The following DOCK8 variants were observed in gnomAD, a reference collection of about 807,000 sequenced individuals.
DOCK8 encodes the protein dedicator of cytokinesis protein 8.
Under a neutral mutation model 245.6 loss-of-function variants are expected in DOCK8, and 141 were observed. That is an observed-to-expected ratio of 0.57 (90% CI 0.50 to 0.66). The LOEUF (loss-of-function observed/expected upper bound fraction) is 0.66, where lower values mean the gene tolerates loss of function less well. Ranked by LOEUF, DOCK8 falls within the 30% of genes least tolerant of loss-of-function variation. The pLI, the probability that DOCK8 is intolerant of heterozygous loss-of-function variation, is 0.00. For missense variants in DOCK8, 2,965 were observed against 2,603.4 expected, an observed-to-expected ratio of 1.14 and a Z score of -3.02; for synonymous variants, 1,168 against 970.2, an observed-to-expected ratio of 1.20 and a Z score of -3.79.
intron 15 of DOCK8, chr9:368,721 T>A (rs1309029497): frequency 6.6e-6 from 1 of 151,770 alleles, no homozygotes; most frequent in East Asian, 1.9e-4. Flanking sequence ...CCAGAATTTA[T>A]ACTTTTTAAA....
At chr9:234,673 T>C (rs1412043091) in intron 1 of DOCK8, among the ~76,000 whole-genome samples, 1 of 152,214 alleles carries the variant, frequency 6.6e-6, no homozygotes, top group African/African-American at 2.4e-5. Flanking sequence ...ATACCCTTTT[T>C]TCCAGTTGGT....
intron 33 of DOCK8, among the ~76,000 whole-genome samples, chr9:424,584 A>G (rs1204208833): frequency 6.6e-6 from 1 of 151,870 alleles, no homozygotes; most frequent in Non-Finnish European, 1.5e-5. Flanking sequence ...TACTTTTTGT[A>G]TTTTTTGTAG....
At position 304,657 on chromosome 9, in the gene DOCK8, C is replaced by T; in HGVS notation, c.481C>T (p.Gln161Ter). The T allele has an allele frequency of 6.2e-7, 1 of 1,614,168 alleles. No homozygotes were observed. Among genetic ancestry groups the T allele is most frequent in the Non-Finnish European group, 8.5e-7 (1 of 1,180,022 alleles). The change falls in exon 5 of 48, where the codon CAG becomes TAG. Residue 161 changes from glutamine (Q) to a stop codon, truncating the protein, a stop_gained. Coordinates refer to ENST00000432829, the MANE Select transcript of DOCK8 (RefSeq NM_203447.4). LOFTEE classifies it high-confidence loss of function. ...AGATTTTCACAAGACGCTTCCGAAA[C>T]AGACGTTTGAGTCGGAAACCTTGGA... ...RKDFHKTLPK[Q>*]TFESETLECS...
chr9:398,231 T>G (rs1176650079), intron 25 of DOCK8, among the ~76,000 whole-genome samples: 2 of 152,142 alleles, frequency 1.3e-5, no homozygotes, highest in African/African-American at 4.8e-5. Context: ...ACCCAGATAC[T>G]GAGTCACGTA....
intron 24 of DOCK8, among the ~76,000 whole-genome samples, chr9:395,653 C>T (rs1030772620): frequency 6.6e-6 from 1 of 151,958 alleles, no homozygotes; most frequent in Non-Finnish European, 1.5e-5. Flanking sequence ...TCTAGTCTTC[C>T]CCATGTTCCT....
chr9:409,977 G>A (rs2055643136), intron 28 of DOCK8, among the ~76,000 whole-genome samples: 1 of 152,060 alleles, frequency 6.6e-6, no homozygotes, highest in Non-Finnish European at 1.5e-5. Context: ...CCAAGTCTTT[G>A]CTATTGTGAA....
At position 334,346 on chromosome 9, in the gene DOCK8, C is replaced by G. The variant is rs765022106; in HGVS notation, c.1247C>G (p.Thr416Ser). 2.5e-6 allele frequency: 4 copies of G among 1,614,142 alleles called. No individual in the cohort carries two copies. Among genetic ancestry groups the G allele is most frequent in the South Asian group, 2.2e-5 (2 of 91,080 alleles). ...TTATCAAGCTTCTTCAATGTCTCCA[C>G]CCTTGAGAGGGAGGTAACTGATGTG... is the stretch of plus-strand genomic sequence containing the variant. The part of the protein sequence containing the change: ...ISLSSFFNVS[T>S]LEREVTDVDS... Residue 416 changes from threonine (T) to serine (S), a missense_variant, in exon 11 of 48, where the codon ACC (threonine) becomes AGC (serine). Thr to Ser is a moderately conservative substitution (Grantham distance 58). This residue lies in a region of DOCK8 where 2,825 missense variants were observed against 2,453.5 expected (regional missense o/e 1.15). Coordinates refer to ENST00000432829, the MANE Select transcript of DOCK8 (RefSeq NM_203447.4).
At chr9:377,296 CAG>C (rs2053559973) in intron 20 of DOCK8, 85 bp downstream of exon 20, 23 of 1,320,528 alleles carry the variant, frequency 1.7e-5, no homozygotes, top group Non-Finnish European at 2.4e-5. Context: ...TCCAGAAATC[CAG>C]AGACAATGTG....
At chr9:425,567 A>AGGTTAAAATG (rs2056463809) in intron 33 of DOCK8, among the ~76,000 whole-genome samples, 1 of 147,292 alleles carries the variant, frequency 6.8e-6, no homozygotes, top group South Asian at 2.2e-4. Flanking sequence ...AAGGATGATG[A>AGGTTAAAATG]GGTTAAAATG....
rs118089404 is a variant in DOCK8 at position 337,338 on chromosome 9, T to C, written c.1422+620T>C. 8.7e-4 allele frequency among the ~76,000 whole-genome samples: 133 copies of C among 152,330 alleles called. 3 individuals are homozygous for C. In the East Asian group the frequency reaches 0.024, roughly 27 times the overall value. ...GACATGAGACCTGTCAAGCTCTTCT[T>C]AGAGTGCCTGGAATACAGTAAGTGC... On this transcript the variant is annotated intron_variant, in intron 12 of 47. Transcript: ENST00000432829.
At chr9:398,518 A>C (rs2054571010) in intron 25 of DOCK8, among the ~76,000 whole-genome samples, 1 of 152,242 alleles carries the variant, frequency 6.6e-6, no homozygotes, top group Admixed American at 6.5e-5. Flanking sequence ...AAAATCCCTC[A>C]TAAACAGGAG....
At chr9:312,650 A>G (rs2050176949) in intron 6 of DOCK8, 2 of 356,868 alleles carry the variant, frequency 5.6e-6, no homozygotes, top group South Asian at 2.2e-5. Context: ...ATCACAGCCC[A>G]TGCTCCCAAT....
chr9:329,644 C>T (rs1388013140), intron 9 of DOCK8, among the ~76,000 whole-genome samples: 3 of 152,112 alleles, frequency 2.0e-5, no homozygotes, highest in Non-Finnish European at 4.4e-5. Context: ...ACTATGATAG[C>T]CCTGTAGGTA....
intron 1 of DOCK8, among the ~76,000 whole-genome samples, chr9:268,579 T>G (rs2048087151): frequency 1.3e-5 from 2 of 152,244 alleles, no homozygotes; most frequent in African/African-American, 4.8e-5. Context: ...TCAGATATTC[T>G]TATTTCAGAT....
intron 4 of DOCK8, among the ~76,000 whole-genome samples, chr9:302,595 C>T (rs78939902): frequency 0.13 from 19,417 of 152,024 alleles, 1,446 homozygotes; most frequent in Admixed American, 0.17. Context: ...ATTTGCAAAC[C>T]GTAAATCTGA....
chr9:417,304 A>G (rs1014774979), intron 29 of DOCK8, among the ~76,000 whole-genome samples: 1 of 152,156 alleles, frequency 6.6e-6, no homozygotes, highest in Non-Finnish European at 1.5e-5. Flanking sequence ...ATAAATAAAT[A>G]ATAAGAACTG....
Position 397,061 on chromosome 9 carries a change from C to T in DOCK8, c.3120+127C>T, listed in dbSNP as rs375679067. 2.4e-4 allele frequency: 273 copies of T among 1,129,872 alleles called. 2 individuals are homozygous for T. In the East Asian group the frequency reaches 5.1e-3, roughly 21 times the overall value. The allele number at this position is 1,129,872 out of a possible 1,614,324, so 70.0% of individuals were successfully genotyped here. On this transcript the variant is annotated intron_variant, in intron 25 of 47. Transcript: ENST00000432829. ...ATATAACTGTAATGACAGTTAAACG[C>T]AGTATGTTATACTGGACTGGACCCT...
chr9:400,869 T>TCCACCAC (rs2054980548), intron 26 of DOCK8, among the ~76,000 whole-genome samples: 1 of 26,184 alleles, frequency 3.8e-5, no homozygotes, highest in Non-Finnish European at 5.8e-5. Context: ...TCCTCCACCA[T>TCCACCAC]CACCACCACC....
intron 5 of DOCK8, among the ~76,000 whole-genome samples, chr9:308,195 A>G (rs2049935633): frequency 6.6e-6 from 1 of 152,224 alleles, no homozygotes; most frequent in Non-Finnish European, 1.5e-5. Context: ...AATAGCTAGA[A>G]GAAAGGATTT....
Sources: gnomAD v4.1 joint callset for allele counts (sites outside exome capture counted in the v4.1 genomes callset) on GRCh38, gnomAD v4.1.1 for gene constraint, gnomAD v4.1.1 regional missense constraint, MANE v1.5 for transcripts, NCBI Gene and HGNC (gene_info 2026-07-23, HGNC 2026-07-21) for gene names.